Variants in COL25A1 observed in about 807,000 individuals in gnomAD.
COL25A1 encodes collagen type XXV alpha 1 chain.
In COL25A1, 103 loss-of-function variants were observed where a neutral mutation model predicts 128.4. The ratio of observed to expected loss-of-function variants is 0.80; its 90% CI spans 0.68 to 0.94. The LOEUF is 0.94. COL25A1 is among the 40% of genes least tolerant of loss of function. COL25A1 has a pLI of 0.00. For missense variants in COL25A1, 745 were observed against 840.0 expected, an observed-to-expected ratio of 0.89 and a Z score of 1.40; for synonymous variants, 279 against 277.2, an observed-to-expected ratio of 1.01 and a Z score of -0.06.
intron 3 of COL25A1, among the ~76,000 whole-genome samples, chr4:109,064,382 T>G (rs1408458030): frequency 6.6e-6 from 1 of 152,232 alleles, no homozygotes; most frequent in Non-Finnish European, 1.5e-5. Context: ...GCAAGTTTAG[T>G]TTTGTAGACA....
intron 3 of COL25A1, among the ~76,000 whole-genome samples, chr4:109,228,510 A>G (rs972292210): frequency 2.6e-5 from 4 of 152,136 alleles, no homozygotes; most frequent in African/African-American, 9.7e-5. Flanking sequence ...CAGGATTTTA[A>G]TCTTTTAGAA....
At chr4:108,821,425 C>T (rs949892974) in intron 35 of COL25A1, among the ~76,000 whole-genome samples, 1 of 152,166 alleles carries the variant, frequency 6.6e-6, no homozygotes, top group African/African-American at 2.4e-5. Flanking sequence ...TCTTCCTTAA[C>T]AAATCACTTC....
chr4:109,237,364 A>G (rs1276479483), intron 3 of COL25A1, among the ~76,000 whole-genome samples: 3 of 152,146 alleles, frequency 2.0e-5, no homozygotes, highest in Non-Finnish European at 4.4e-5. Context: ...AACATCTCAT[A>G]CACGAGGTAT....
chr4:109,176,027 G>A (rs376284216), intron 3 of COL25A1, among the ~76,000 whole-genome samples: 13 of 152,208 alleles, frequency 8.5e-5, no homozygotes, highest in African/African-American at 1.2e-4. Context: ...TTGCCATACC[G>A]TCATTCATCT....
At chr4:108,930,497 C>A (rs1333707600) in intron 11 of COL25A1, among the ~76,000 whole-genome samples, 1 of 152,170 alleles carries the variant, frequency 6.6e-6, no homozygotes, top group Non-Finnish European at 1.5e-5. Context: ...GTGTGCACCA[C>A]AACAAATTGG....
At chr4:108,825,364 G>C in intron 33 of COL25A1, 142 bp from the exon 34 acceptor site, 1 of 705,860 alleles carries the variant, frequency 1.4e-6, no homozygotes, top group Non-Finnish European at 2.5e-6. Context: ...ATTTGGATTA[G>C]TGACTGTTAG....
intron 3 of COL25A1, among the ~76,000 whole-genome samples, chr4:109,115,273 T>C (rs566218487): frequency 2.8e-4 from 43 of 152,052 alleles, no homozygotes; most frequent in Non-Finnish European, 5.4e-4. Flanking sequence ...CAGATATTAT[T>C]TTAGGTGACA....
At chr4:109,132,073 G>T (rs931440164) in intron 3 of COL25A1, among the ~76,000 whole-genome samples, 5 of 152,076 alleles carry the variant, frequency 3.3e-5, no homozygotes, top group Non-Finnish European at 7.4e-5. Flanking sequence ...AAAATATTAG[G>T]TTTGAAAAAG....
At chr4:109,030,802 G>A in intron 5 of COL25A1, among the ~76,000 whole-genome samples, 1 of 152,114 alleles carries the variant, frequency 6.6e-6, no homozygotes, top group South Asian at 2.1e-4. Context: ...ACCCAAGCTG[G>A]AGTGCAGTGG....
chr4:108,814,757 C>T (rs1239007053), intron 37 of COL25A1, among the ~76,000 whole-genome samples: 2 of 152,114 alleles, frequency 1.3e-5, no homozygotes, highest in Non-Finnish European at 2.9e-5. Context: ...GGTTGTAGGG[C>T]ACAGTGGCAA....
chr4:109,241,258 T>C (rs1016620696), intron 3 of COL25A1, among the ~76,000 whole-genome samples: 5 of 152,022 alleles, frequency 3.3e-5, no homozygotes, highest in Non-Finnish European at 7.4e-5. Flanking sequence ...AAACCTGTAA[T>C]ATCCATTAAT....
intron 11 of COL25A1, among the ~76,000 whole-genome samples, chr4:108,925,916 G>T (rs1745997284): frequency 6.6e-6 from 1 of 152,048 alleles, no homozygotes; most frequent in Admixed American, 6.6e-5. Context: ...TAGGCCTAAG[G>T]TCCCTAATGC....
chr4:108,849,060 T>TAAAAA (rs1411031901), intron 26 of COL25A1, among the ~76,000 whole-genome samples: 16 of 152,040 alleles, frequency 1.1e-4, no homozygotes, highest in African/African-American at 3.6e-4. Flanking sequence ...AGATGCAGGC[T>TAAAAA]AAAAAAGAGT....
chr4:108,833,395 G>T (rs1733404364), intron 31 of COL25A1, among the ~76,000 whole-genome samples: 2 of 152,208 alleles, frequency 1.3e-5, no homozygotes, highest in Non-Finnish European at 2.9e-5. Flanking sequence ...GATTTCTGCA[G>T]TAGAAGAGGT....
At chr4:108,833,835 A>G (rs1733451666) in intron 31 of COL25A1, among the ~76,000 whole-genome samples, 1 of 152,236 alleles carries the variant, frequency 6.6e-6, no homozygotes, top group Non-Finnish European at 1.5e-5. Context: ...GGAGCTGTTA[A>G]GAACCAAAGA....
intron 6 of COL25A1, among the ~76,000 whole-genome samples, chr4:108,990,622 C>T (rs1754143061): frequency 2.0e-5 from 3 of 152,010 alleles, no homozygotes; most frequent in Admixed American, 2.0e-4. Flanking sequence ...AAAGTACCAC[C>T]TCTAAGGGCA....
chr4:108,908,497 C>T (rs564454872), intron 13 of COL25A1, among the ~76,000 whole-genome samples: 1 of 152,114 alleles, frequency 6.6e-6, no homozygotes, highest in Non-Finnish European at 1.5e-5. Flanking sequence ...CTGTGTAACA[C>T]GCAAAAGTAA....
At chr4:108,876,869 T>G (rs1377583417) in intron 19 of COL25A1, among the ~76,000 whole-genome samples, 1 of 152,234 alleles carries the variant, frequency 6.6e-6, no homozygotes, top group Non-Finnish European at 1.5e-5. Context: ...GTTTTATCCT[T>G]TGGTTATTCT....
intron 3 of COL25A1, among the ~76,000 whole-genome samples, chr4:109,252,167 T>C (rs1780696145): frequency 6.6e-6 from 1 of 152,232 alleles, no homozygotes; most frequent in Non-Finnish European, 1.5e-5. Flanking sequence ...GGCAAATCCA[T>C]ATCTACAGTG....
Sources: allele counts gnomAD v4.1 joint callset (sites outside exome capture counted in the v4.1 genomes callset), GRCh38; gene constraint gnomAD v4.1.1; transcripts MANE v1.5; gene names NCBI Gene and HGNC (gene_info 2026-07-23, HGNC 2026-07-21).